The following SLC35F3 variants were observed in gnomAD, a reference collection of about 807,000 sequenced individuals.
SLC35F3 encodes the protein putative thiamine transporter SLC35F3.
A neutral mutation model predicts 49.9 loss-of-function variants in SLC35F3; 25 were observed. The observed-to-expected ratio is 0.50, with a 90% CI of 0.37 to 0.70. The LOEUF (loss-of-function observed/expected upper bound fraction) is 0.70, where lower values mean the gene tolerates loss of function less well. Among genes scored for constraint, SLC35F3 ranks in the 30% least tolerant of loss-of-function variants. The pLI is 0.00. For missense variants in SLC35F3, 525 were observed against 639.8 expected (o/e 0.82, Z 1.94); for synonymous variants, 275 against 265.4 (o/e 1.04, Z -0.35).
intron 2 of SLC35F3, among the ~76,000 whole-genome samples, chr1:234,059,125 C>T (rs1441662357): frequency 6.6e-6 from 1 of 151,796 alleles, no homozygotes; most frequent in East Asian, 1.9e-4. Flanking sequence ...AAGTGAATAG[C>T]TTTTCGTTTC....
intron 2 of SLC35F3, among the ~76,000 whole-genome samples, chr1:234,088,646 G>A (rs1664994419): frequency 6.6e-6 from 1 of 152,306 alleles, no homozygotes; most frequent in Non-Finnish European, 1.5e-5. Context: ...TTTTAAGCAT[G>A]CATTTTGTGT....
At chr1:233,987,391 G>A (rs1663282653) in intron 2 of SLC35F3, among the ~76,000 whole-genome samples, 1 of 152,102 alleles carries the variant, frequency 6.6e-6, no homozygotes, top group Non-Finnish European at 1.5e-5. Context: ...GATTTACTGA[G>A]TATGGAATTC....
intron 2 of SLC35F3, among the ~76,000 whole-genome samples, chr1:234,114,698 G>T (rs1665458235): frequency 6.6e-6 from 1 of 152,236 alleles, no homozygotes; most frequent in Admixed American, 6.5e-5. Context: ...AAAATTTTAG[G>T]TTGGAATGAG....
At chr1:233,931,906 A>G (rs139080750) in intron 2 of SLC35F3, among the ~76,000 whole-genome samples, 4,002 of 152,348 alleles carry the variant, frequency 0.026, 99 homozygotes, top group Admixed American at 0.043. Context: ...ATGTCCATCA[A>G]TGATAGTCTG....
intron 2 of SLC35F3, among the ~76,000 whole-genome samples, chr1:233,933,779 G>A (rs908194201): frequency 7.9e-5 from 12 of 152,188 alleles, no homozygotes; most frequent in South Asian, 4.1e-4. Context: ...AGGCGTAGGC[G>A]TAGGCGCAGG....
rs560568948 is a variant in SLC35F3, at chr1:234,094,337, A to G, written c.284-137080A>G. On this transcript the variant is annotated intron_variant, in intron 2 of 7. Coordinates refer to ENST00000366618, the MANE Select transcript of SLC35F3 (RefSeq NM_173508.4). ...TCCAACCGGAACTAGTAGGAAATTG[A>G]TTTGCTTTTTAAATCCTCTAGCTTC... Among the ~76,000 whole-genome samples the G allele has an allele frequency of 2.6e-5, 4 of 152,346 alleles. No individual in the cohort carries two copies. The South Asian group carries it at 8.3e-4, about 32-fold the overall frequency.
intron 2 of SLC35F3, among the ~76,000 whole-genome samples, chr1:234,095,660 G>C (rs994986319): frequency 6.6e-6 from 1 of 152,128 alleles, no homozygotes; most frequent in South Asian, 2.1e-4. Flanking sequence ...ATCATGAAGG[G>C]CAACAGATTG....
At position 234,210,271 on chromosome 1, in the gene SLC35F3, G is replaced by T. The variant is rs189678582; in HGVS notation, c.284-21146G>T. ...TCTTTTTCTTCCCAGTCTTGGGTAT[G>T]TCTTTATCAGCAGCATGAAGATGGG... On this transcript the variant is annotated intron_variant, in intron 2 of 7. Coordinates refer to ENST00000366618, the MANE Select transcript of SLC35F3 (RefSeq NM_173508.4). Among the ~76,000 whole-genome samples, 83 of 152,284 alleles carry T rather than the reference G, an allele frequency of 5.5e-4. 1 individual carries two copies. Among genetic ancestry groups the T allele is most frequent in the Admixed American group, 5.1e-3 (78 of 15,296 alleles).
chr1:234,198,616 A>T (rs77388669), intron 2 of SLC35F3, among the ~76,000 whole-genome samples: 3,020 of 138,202 alleles, frequency 0.022, 48 homozygotes, highest in Middle Eastern at 0.088. Context: ...GTGTTTTTTT[A>T]AAATTAATTA....
chr1:234,322,409 TAAAGA>T (rs1572153166), intron 7 of SLC35F3, among the ~76,000 whole-genome samples: 1 of 152,298 alleles, frequency 6.6e-6, no homozygotes, highest in East Asian at 1.9e-4. Context: ...ACAATAAAGT[TAAAGA>T]AAAGAAAATG....
intron 2 of SLC35F3, among the ~76,000 whole-genome samples, chr1:233,987,230 A>C (rs1381072469): frequency 1.3e-5 from 2 of 152,206 alleles, no homozygotes; most frequent in African/African-American, 2.4e-5. Flanking sequence ...CAGAGGTTGC[A>C]ATGAGCCAAG....
intron 3 of SLC35F3, among the ~76,000 whole-genome samples, chr1:234,266,319 G>GA (rs546720287): frequency 1.8e-4 from 27 of 150,322 alleles, no homozygotes; most frequent in South Asian, 8.4e-4. Flanking sequence ...CAACAAACAT[G>GA]AAAAAAAAAT....
At chr1:234,139,989 T>TAAAATAAAATAAAATA in intron 2 of SLC35F3, among the ~76,000 whole-genome samples, 1 of 135,696 alleles carries the variant, frequency 7.4e-6, no homozygotes, top group East Asian at 1.9e-4. Context: ...TAAAATAAAA[T>TAAAATAAAATAAAATA]AAAATAAAAT....
chr1:234,143,540 C>T (rs1349854762), intron 2 of SLC35F3, among the ~76,000 whole-genome samples: 5 of 152,094 alleles, frequency 3.3e-5, no homozygotes, highest in African/African-American at 4.8e-5. Flanking sequence ...CCACCTGCCT[C>T]GGCCATCCCT....
intron 2 of SLC35F3, among the ~76,000 whole-genome samples, chr1:233,918,854 GTGTT>G (rs1199988024): frequency 2.6e-5 from 4 of 151,486 alleles, no homozygotes; most frequent in African/African-American, 9.7e-5. Context: ...TTGTGTGTGT[GTGTT>G]TATTTCTTGT....
chr1:234,243,263 G>A (rs921264392), intron 3 of SLC35F3, among the ~76,000 whole-genome samples: 9 of 152,122 alleles, frequency 5.9e-5, no homozygotes, highest in Middle Eastern at 3.2e-3. Context: ...GTTGAGGCAC[G>A]AGAATCACTT....
chr1:233,996,300 A>G (rs1663458955), intron 2 of SLC35F3, among the ~76,000 whole-genome samples: 1 of 152,200 alleles, frequency 6.6e-6, no homozygotes, highest in Non-Finnish European at 1.5e-5. Context: ...AACAAAGTAT[A>G]TAGGAGGATG....
chr1:234,214,789 C>A lies in SLC35F3; in HGVS notation c.284-16628C>A. The A allele has an allele frequency of 1.8e-6, 1 of 561,642 alleles. No individual in the cohort carries two copies. The highest frequency in any genetic ancestry group is 2.8e-6 in the Non-Finnish European group (1 of 354,570). The allele number at this position is 561,642 out of a possible 1,614,324, so 34.8% of individuals were successfully genotyped here. A position where few individuals can be genotyped will look rare whatever the true frequency, so the allele number is the denominator to read the frequency against. On this transcript the variant is annotated intron_variant, in intron 2 of 7. Coordinates refer to ENST00000366618, the MANE Select transcript of SLC35F3 (RefSeq NM_173508.4). This position sits in a 1 kb window ranked among gnomAD's most constrained non-coding sequence, Gnocchi z 8.0. ...CCTGGCGAGCAGGAGTGAGCTGCTG[C>A]GGCGAGTGAGCACCCGGCTCCCCAA...
At chr1:234,023,727 G>A (rs1310605479) in intron 2 of SLC35F3, among the ~76,000 whole-genome samples, 7 of 151,784 alleles carry the variant, frequency 4.6e-5, no homozygotes, top group Non-Finnish European at 8.8e-5. Context: ...GGTAAGTCAC[G>A]CTGATAATAT....
Sources: allele counts gnomAD v4.1 joint callset (sites outside exome capture counted in the v4.1 genomes callset), GRCh38; gene constraint gnomAD v4.1.1; non-coding constraint Gnocchi (gnomAD v3.1); transcripts MANE v1.5; gene names NCBI Gene and HGNC (gene_info 2026-07-23, HGNC 2026-07-21).